The following GNAO1 variants were observed in gnomAD, a reference collection of about 807,000 sequenced individuals.
The protein encoded by GNAO1 is guanine nucleotide-binding protein G(o) subunit alpha.
For synonymous variants in GNAO1, 164 were observed against 180.7 expected, an observed-to-expected ratio of 0.91 and a Z score of 0.74; for missense variants, 166 against 478.7, an observed-to-expected ratio of 0.35 and a Z score of 6.10.
At chr16:56,268,451 T>C (rs2036980751) in intron 2 of GNAO1, among the ~76,000 whole-genome samples, 1 of 152,218 alleles carries the variant, frequency 6.6e-6, no homozygotes, top group Non-Finnish European at 1.5e-5. Context: ...AATGTGTCAC[T>C]CCAGGAGATT....
chr16:56,337,032 T>C (rs1443762191), intron 6 of GNAO1, among the ~76,000 whole-genome samples, 172 bp downstream of exon 6: 7 of 152,226 alleles, frequency 4.6e-5, no homozygotes, highest in African/African-American at 1.7e-4. Flanking sequence ...CCACCAATTC[T>C]GTATTGCCAA....
At chr16:56,260,284 T>C (rs1439889042) in intron 2 of GNAO1, among the ~76,000 whole-genome samples, 1 of 152,308 alleles carries the variant, frequency 6.6e-6, no homozygotes, top group East Asian at 1.9e-4. Context: ...TTTTTTCTTT[T>C]TGTCTCTACC....
chr16:56,238,985 C>G lies in GNAO1; in HGVS notation c.162-36946C>G, dbSNP rs141013863. On this transcript the variant is annotated intron_variant, in intron 2 of 8. Transcript: ENST00000262493. ...CACTCTGAACATTTTCCCATATCTA[C>G]ATATATGATTGCATATCACTTTATG... 6.4e-3 allele frequency among the ~76,000 whole-genome samples: 982 copies of G among 152,334 alleles called. 31 individuals are homozygous for G. The highest frequency in any genetic ancestry group is 0.051 in the Admixed American group (787 of 15,300).
intron 1 of GNAO1, 53 bp downstream of exon 1, chr16:56,192,406 C>T: frequency 8.9e-7 from 1 of 1,125,342 alleles, no homozygotes. Context: ...CTCCGCACCC[C>T]CTGCCACCAG....
chr16:56,334,934 A>G, intron 5 of GNAO1, 77 bp downstream of exon 5: 1 of 1,499,528 alleles, frequency 6.7e-7, no homozygotes. Context: ...CATTGCGTTT[A>G]CAGCGCCCAA....
intron 2 of GNAO1, among the ~76,000 whole-genome samples, chr16:56,226,038 T>C (rs530996015): frequency 4.3e-4 from 65 of 151,700 alleles, no homozygotes; most frequent in African/African-American, 1.5e-3. Context: ...TGAGCCTGAG[T>C]GTGCAGGGAA....
chr16:56,276,235 C>G (rs1314118417), intron 3 of GNAO1, 163 bp downstream of exon 3: 1 of 538,214 alleles, frequency 1.9e-6, no homozygotes, highest in African/African-American at 1.9e-5. Context: ...ATTGCATCCA[C>G]CCCTCTGGCA....
chr16:56,276,100 A>C, intron 3 of GNAO1, 28 bp downstream of exon 3: 1 of 1,599,468 alleles, frequency 6.3e-7, no homozygotes, highest in Non-Finnish European at 8.5e-7. Flanking sequence ...TAAGCACAGC[A>C]ACAAGAGGTT....
At chr16:56,206,006 A>C (rs114494953) in intron 2 of GNAO1, among the ~76,000 whole-genome samples, 1 of 152,110 alleles carries the variant, frequency 6.6e-6, no homozygotes, top group Non-Finnish European at 1.5e-5. Context: ...GGGAGGGAAA[A>C]ATAGCACACA....
intron 3 of GNAO1, among the ~76,000 whole-genome samples, chr16:56,316,745 C>A (rs2037514626): frequency 6.6e-6 from 1 of 152,220 alleles, no homozygotes; most frequent in Admixed American, 6.5e-5. Flanking sequence ...CAGGCACGGG[C>A]AGGGCAGGGT....
intron 2 of GNAO1, among the ~76,000 whole-genome samples, chr16:56,260,344 G>A (rs536216940): frequency 6.6e-6 from 1 of 152,314 alleles, no homozygotes; most frequent in Non-Finnish European, 1.5e-5. Flanking sequence ...CAGGATGGCA[G>A]CTTGAGGGGC....
intron 2 of GNAO1, among the ~76,000 whole-genome samples, chr16:56,228,107 T>G (rs1429282908): frequency 6.6e-6 from 1 of 152,206 alleles, no homozygotes; most frequent in African/African-American, 2.4e-5. Context: ...CAGATAGCCC[T>G]GAGCATGATG....
chr16:56,202,165 G>A (rs748729998), intron 2 of GNAO1, among the ~76,000 whole-genome samples: 3 of 152,150 alleles, frequency 2.0e-5, no homozygotes, highest in Non-Finnish European at 4.4e-5. Flanking sequence ...TGAAAGCCAA[G>A]GAAGAAAAGA....
chr16:56,207,938 G>A (rs1432964264), intron 2 of GNAO1, among the ~76,000 whole-genome samples: 6 of 152,184 alleles, frequency 3.9e-5, no homozygotes, highest in Non-Finnish European at 8.8e-5. Flanking sequence ...TAGTGCCCAA[G>A]AATGTCCCTA....
intron 3 of GNAO1, among the ~76,000 whole-genome samples, chr16:56,286,209 C>T (rs2037164991): frequency 6.6e-6 from 1 of 152,198 alleles, no homozygotes; most frequent in South Asian, 2.1e-4. Flanking sequence ...CATCTGCACA[C>T]ACGCTCATCA....
chr16:56,357,300 A>C lies in GNAO1; in HGVS notation c.*1226A>C, dbSNP rs2037979036. Reference sequence around the variant, plus strand: ...AAAAAAAACTTAAAAAAAAAAGGAAAAAAGAAAAAAAAGCCCACGGGTCTT... The same window carrying C: ...AAAAAAAACTTAAAAAAAAAAGGAACAAAGAAAAAAAAGCCCACGGGTCTT... On this transcript the variant is annotated 3_prime_UTR_variant, in exon 9 of 9. Transcript: ENST00000262493. 6.6e-6 allele frequency: 1 copy of C among 152,264 alleles called. No individual in the cohort carries two copies. The highest frequency in any genetic ancestry group is 1.5e-5 in the Non-Finnish European group (1 of 68,024). The allele number at this position is 152,264 out of a possible 1,614,324, so 9.4% of individuals were successfully genotyped here.
chr16:56,228,356 T>TATATGC (rs1249436970), intron 2 of GNAO1, among the ~76,000 whole-genome samples: 1 of 152,114 alleles, frequency 6.6e-6, no homozygotes, highest in Non-Finnish European at 1.5e-5. Context: ...TAACCCTGTG[T>TATATGC]ATATGCATAT....
intron 2 of GNAO1, among the ~76,000 whole-genome samples, chr16:56,212,077 C>A (rs1310847902): frequency 6.6e-6 from 1 of 151,898 alleles, no homozygotes; most frequent in East Asian, 1.9e-4. Context: ...GAGTCTTCAA[C>A]GACTGAGAAA....
intron 3 of GNAO1, among the ~76,000 whole-genome samples, chr16:56,321,861 C>T (rs1035749836): frequency 6.6e-6 from 1 of 152,206 alleles, no homozygotes; most frequent in Non-Finnish European, 1.5e-5. Flanking sequence ...GTCTGCCCCG[C>T]GTAAAATACT....
Sources: gnomAD v4.1 joint callset for allele counts (sites outside exome capture counted in the v4.1 genomes callset) on GRCh38, gnomAD v4.1.1 for gene constraint, MANE v1.5 for transcripts, NCBI Gene and HGNC (gene_info 2026-07-23, HGNC 2026-07-21) for gene names.